Variants in SIRPA observed in about 807,000 individuals in gnomAD.
SIRPA encodes signal regulatory protein alpha.
Under a neutral mutation model 50.3 loss-of-function variants are expected in SIRPA, and 9 were observed. That is an observed-to-expected ratio of 0.18 (90% CI 0.11 to 0.31). The LOEUF is 0.31. Ranked by LOEUF, SIRPA falls within the 10% of genes least tolerant of loss-of-function variation. The pLI is 1.00. For missense variants in SIRPA, 474 were observed against 661.6 expected (o/e 0.72, Z 3.11); for synonymous variants, 265 against 284.1 (o/e 0.93, Z 0.68).
chr20:1,920,491 C>T (rs1985584433), intron 2 of SIRPA, among the ~76,000 whole-genome samples: 1 of 152,184 alleles, frequency 6.6e-6, no homozygotes, highest in African/African-American at 2.4e-5. Context: ...CATGTGTGTG[C>T]TTTCAGGACC....
rs1986620317 is a variant in SIRPA at position 1,937,129 on chromosome 20, G to A, written c.1267-191G>A. Among the ~76,000 whole-genome samples, 1 of 152,102 alleles carries A rather than the reference G, an allele frequency of 6.6e-6. No homozygotes were observed. The highest frequency in any genetic ancestry group is 2.1e-4 in the South Asian group (1 of 4,826). ...ACCCTTCAGGCAGGGTGAGGAGGAG[G>A]GCAGATGGGAAGGGGCAAGGCTGGA... On this transcript the variant is annotated intron_variant, in intron 7 of 7. Coordinates refer to ENST00000358771, the MANE Select transcript of SIRPA (RefSeq NM_001040023.2). This position sits in a 1 kb window ranked among gnomAD's most constrained non-coding sequence, Gnocchi z 8.3.
intron 1 of SIRPA, among the ~76,000 whole-genome samples, chr20:1,900,287 A>G (rs1248324549): frequency 2.0e-5 from 3 of 151,872 alleles, no homozygotes; most frequent in African/African-American, 4.8e-5. Flanking sequence ...TTTAGTAGAG[A>G]CAAGGTTTCT....
intron 1 of SIRPA, among the ~76,000 whole-genome samples, chr20:1,910,012 G>A (rs1004815711): frequency 2.4e-4 from 36 of 152,152 alleles, no homozygotes; most frequent in Admixed American, 1.0e-3. Context: ...GAGATGTGGC[G>A]GGAGAAGCAG....
intron 6 of SIRPA, among the ~76,000 whole-genome samples, chr20:1,930,881 C>G (rs1018587291): frequency 1.3e-5 from 2 of 152,210 alleles, no homozygotes; most frequent in Non-Finnish European, 2.9e-5. Context: ...TAAGCCACTG[C>G]GCCCGGCCCT....
chr20:1,916,153 C>A (rs1985275118), intron 2 of SIRPA, among the ~76,000 whole-genome samples: 1 of 152,230 alleles, frequency 6.6e-6, no homozygotes, highest in African/African-American at 2.4e-5. Flanking sequence ...GAATGTCTCT[C>A]ACCCCAGGGA....
chr20:1,896,590 A>G (rs1983840200), intron 1 of SIRPA, among the ~76,000 whole-genome samples: 1 of 152,062 alleles, frequency 6.6e-6, no homozygotes, highest in Non-Finnish European at 1.5e-5. Context: ...GGAGGGAGGT[A>G]AAGATGAGCT....
In SIRPA at chr20:1,932,778, G is replaced by C. The variant is rs1317156968; in HGVS notation, c.1227-1937G>C. 6.6e-6 allele frequency among the ~76,000 whole-genome samples: 1 copy of C among 152,088 alleles called. No homozygotes were observed. Among genetic ancestry groups the C allele is most frequent in the African/African-American group, 2.4e-5 (1 of 41,400 alleles). On this transcript the variant is annotated intron_variant, in intron 6 of 7. Coordinates refer to ENST00000358771, the MANE Select transcript of SIRPA (RefSeq NM_001040023.2). The surrounding 1 kb of genome is among the most constrained non-coding windows in gnomAD (Gnocchi z 6.0). ...TGATGGATATTTTGGAGGTGGAGCC[G>C]ACGAGCCCTAGGTTGGATTAGATGA... is the stretch of plus-strand genomic sequence containing the variant.
chr20:1,924,434 C>T lies in SIRPA; in HGVS notation c.1088-330C>T, dbSNP rs1295229421. Among the ~76,000 whole-genome samples the T allele has an allele frequency of 1.3e-5, 2 of 152,200 alleles. No individual in the cohort carries two copies. Among genetic ancestry groups the T allele is most frequent in the Non-Finnish European group, 2.9e-5 (2 of 68,032 alleles). ...GATCTGGGGTGCCCTCATGACCGCT[C>T]TGTGGTTCACTCCAGATGAGAAGGA... On this transcript the variant is annotated intron_variant, in intron 4 of 7. Coordinates refer to ENST00000358771, the MANE Select transcript of SIRPA (RefSeq NM_001040023.2). The surrounding 1 kb of genome is among the most constrained non-coding windows in gnomAD (Gnocchi z 4.5).
chr20:1,911,019 T>C (rs1984858390), intron 1 of SIRPA, among the ~76,000 whole-genome samples: 1 of 152,226 alleles, frequency 6.6e-6, no homozygotes, highest in African/African-American at 2.4e-5. Context: ...AATATCATTG[T>C]TTTTTTCTAA....
intron 1 of SIRPA, among the ~76,000 whole-genome samples, chr20:1,910,822 T>C: frequency 6.6e-6 from 1 of 152,210 alleles, no homozygotes; most frequent in Non-Finnish European, 1.5e-5. Context: ...CAAAGAGAGT[T>C]ACATTTTATA....
At chr20:1,914,298 CG>C (rs1568500605) in intron 1 of SIRPA, among the ~76,000 whole-genome samples, 2 of 152,170 alleles carry the variant, frequency 1.3e-5, no homozygotes, top group Non-Finnish European at 2.9e-5. Context: ...GAACAAGGGG[CG>C]AGCCAGGTTT....
Position 1,938,012 on chromosome 20 carries a change from T to G in SIRPA, c.*444T>G, listed in dbSNP as rs973309556. The G allele has an allele frequency of 1.1e-5, 1 of 88,134 alleles. No homozygotes were observed. The highest frequency in any genetic ancestry group is 4.3e-4 in the East Asian group (1 of 2,340). 5.5% of individuals were successfully genotyped at this position (88,134 alleles called of 1,614,324 possible). On this transcript the variant is annotated 3_prime_UTR_variant, in exon 8 of 8. Coordinates refer to ENST00000358771, the MANE Select transcript of SIRPA (RefSeq NM_001040023.2). ...CCACCACCACCACCACCACCACCAC[T>G]ACCACCACCACCCAACTGGGGCTAG...
intron 1 of SIRPA, among the ~76,000 whole-genome samples, chr20:1,909,186 G>C (rs1984733240): frequency 6.6e-6 from 1 of 152,236 alleles, no homozygotes; most frequent in Non-Finnish European, 1.5e-5. Context: ...TAGCCTCCCA[G>C]ACCCTGGGGG....
Position 1,939,433 on chromosome 20 carries a change from T to A in SIRPA, c.*1865T>A, listed in dbSNP as rs923757494. The A allele has an allele frequency of 2.7e-4, 41 of 152,310 alleles. No individual in the cohort carries two copies. The highest frequency in any genetic ancestry group is 9.6e-4 in the African/African-American group (40 of 41,556). 9.4% of individuals were successfully genotyped at this position (152,310 alleles called of 1,614,324 possible). A position where few individuals can be genotyped will look rare whatever the true frequency, so the allele number is the denominator to read the frequency against. The stretch of plus-strand genomic sequence containing the variant: ...TGGACAGCTTTGGCCAGAGCTCCCG[T>A]GTGGCATCTGGGAGCCACAGTGACC... On this transcript the variant is annotated 3_prime_UTR_variant, in exon 8 of 8. Coordinates refer to ENST00000358771, the MANE Select transcript of SIRPA (RefSeq NM_001040023.2). This position sits in a 1 kb window ranked among gnomAD's most constrained non-coding sequence, Gnocchi z 4.7.
At position 1,927,596 on chromosome 20, in the gene SIRPA, G is replaced by A. The variant is rs1272259972; in HGVS notation, c.1202-279G>A. ...TGAATGGAGGTGAGACCCAGACAGAGGTAGGGCGGTTGTCGCCTCCCAGGC... is the reference window on the plus strand; with the variant it reads ...TGAATGGAGGTGAGACCCAGACAGAAGTAGGGCGGTTGTCGCCTCCCAGGC... On this transcript the variant is annotated intron_variant, in intron 5 of 7. Coordinates refer to ENST00000358771, the MANE Select transcript of SIRPA (RefSeq NM_001040023.2). This position sits in a 1 kb window ranked among gnomAD's most constrained non-coding sequence, Gnocchi z 6.5. Among the ~76,000 whole-genome samples the A allele has an allele frequency of 6.6e-6, 1 of 151,552 alleles. No individual in the cohort carries two copies. Among genetic ancestry groups the A allele is most frequent in the Non-Finnish European group, 1.5e-5 (1 of 68,046 alleles).
intron 1 of SIRPA, among the ~76,000 whole-genome samples, chr20:1,905,721 C>A (rs1461076871): frequency 1.3e-5 from 2 of 152,236 alleles, no homozygotes; most frequent in African/African-American, 4.8e-5. Flanking sequence ...TCAGCCTCTG[C>A]CGGTCCCCCG....
At chr20:1,905,118 T>C (rs1984467898) in intron 1 of SIRPA, among the ~76,000 whole-genome samples, 1 of 152,122 alleles carries the variant, frequency 6.6e-6, no homozygotes, top group South Asian at 2.1e-4. Context: ...AAGGAATCAG[T>C]GAATAGTGTC....
chr20:1,918,360 C>CTTTTTTTTTTTTTTT (rs60736526), intron 2 of SIRPA, among the ~76,000 whole-genome samples: 1 of 95,684 alleles, frequency 1.0e-5, no homozygotes, highest in Non-Finnish European at 2.0e-5. Context: ...ACCACACCAG[C>CTTTTTTTTTTTTTTT]TTTTTTTTTT....
At chr20:1,912,820 T>C (rs1404701146) in intron 1 of SIRPA, among the ~76,000 whole-genome samples, 1 of 152,222 alleles carries the variant, frequency 6.6e-6, no homozygotes, top group African/African-American at 2.4e-5. Flanking sequence ...GCAACTGTGC[T>C]TCCCCGAGGC....
Sources: allele counts gnomAD v4.1 joint callset (sites outside exome capture counted in the v4.1 genomes callset), GRCh38; gene constraint gnomAD v4.1.1; non-coding constraint Gnocchi (gnomAD v3.1); transcripts MANE v1.5; gene names NCBI Gene and HGNC (gene_info 2026-07-23, HGNC 2026-07-21).